Variants in NME7 observed in about 807,000 individuals in gnomAD.
NME7 encodes the protein NME/NM23 family member 7.
Under a neutral mutation model 49.1 loss-of-function variants are expected in NME7, and 41 were observed. That is an observed-to-expected ratio of 0.83 (90% CI 0.65 to 1.08). The LOEUF is 1.08. Among genes scored for constraint, NME7 ranks in the 50% least tolerant of loss-of-function variants. The probability of loss-of-function intolerance (pLI) is 0.00; values close to 1 mark genes in which losing one functional copy is unlikely to be tolerated. For synonymous variants in NME7, 139 were observed against 150.6 expected (o/e 0.92, Z 0.56); for missense variants, 423 against 463.4 (o/e 0.91, Z 0.80).
intron 10 of NME7, among the ~76,000 whole-genome samples, chr1:169,177,966 A>C (rs1414622083): frequency 3.9e-5 from 6 of 152,058 alleles, no homozygotes; most frequent in African/African-American, 1.5e-4. Context: ...CCTCCTGAGC[A>C]GCTAGGACTA....
intron 10 of NME7, among the ~76,000 whole-genome samples, chr1:169,173,516 GCT>G (rs1211176819): frequency 6.6e-6 from 1 of 151,936 alleles, no homozygotes; most frequent in African/African-American, 2.4e-5. Context: ...CTTCATATCT[GCT>G]CTTAAAATCT....
At chr1:169,139,916 A>G (rs925097426) in intron 11 of NME7, among the ~76,000 whole-genome samples, 2 of 152,148 alleles carry the variant, frequency 1.3e-5, no homozygotes, top group Admixed American at 6.5e-5. Flanking sequence ...ACCAGAAACT[A>G]TTTTTCTTCT....
At chr1:169,367,422 T>A (rs1308751475) in intron 1 of NME7, among the ~76,000 whole-genome samples, 1 of 152,172 alleles carries the variant, frequency 6.6e-6, no homozygotes, top group African/African-American at 2.4e-5. Context: ...TGATGAACAA[T>A]GCAAACACAT....
chr1:169,298,666 T>G lies in NME7; in HGVS notation c.538A>C (p.Asn180His), dbSNP rs760966934. The change falls in exon 6 of 12, where the codon AAC becomes CAC. Residue 180 changes from asparagine to histidine, a missense_variant. Physicochemically the swap from Asn to His is moderately conservative, Grantham distance 68 (BLOSUM62 1). Transcript: ENST00000367811. Reference sequence around the variant, plus strand: ...GCATCTGTGCGTGCCACTCCAGAGTTTGCAGGTCCCAGCAGTCTTTTCCAT... The same window carrying G: ...GCATCTGTGCGTGCCACTCCAGAGTGTGCAGGTCCCAGCAGTCTTTTCCAT... Reference protein sequence around the residue: ...CEWKRLLGPANSGVARTDASE... With the variant: ...CEWKRLLGPAHSGVARTDASE... 6.2e-7 allele frequency: 1 copy of G among 1,613,936 alleles called. No individual in the cohort carries two copies. The highest frequency in any genetic ancestry group is 1.7e-5 in the Admixed American group (1 of 59,954).
intron 2 of NME7, among the ~76,000 whole-genome samples, chr1:169,323,738 A>G (rs917595658): frequency 3.9e-5 from 6 of 152,012 alleles, no homozygotes; most frequent in African/African-American, 7.3e-5. Flanking sequence ...TAGCAATAAC[A>G]GCTTTCAATA....
intron 11 of NME7, 152 bp from the exon 12 acceptor site, chr1:169,132,969 G>A (rs1284055757): frequency 4.1e-5 from 23 of 554,480 alleles, no homozygotes; most frequent in Admixed American, 7.0e-5. Context: ...GCAGAGAATC[G>A]ATGAAGCTCC....
At chr1:169,194,721 C>T (rs1660325428) in intron 10 of NME7, among the ~76,000 whole-genome samples, 1 of 152,190 alleles carries the variant, frequency 6.6e-6, no homozygotes, top group African/African-American at 2.4e-5. Context: ...TGTCTTTTGA[C>T]AATTCTTAGC....
At chr1:169,141,653 T>C (rs1658598972) in intron 11 of NME7, among the ~76,000 whole-genome samples, 1 of 152,202 alleles carries the variant, frequency 6.6e-6, no homozygotes, top group Admixed American at 6.5e-5. Context: ...CTTGGGAAGT[T>C]CCTATTGCTA....
chr1:169,213,955 T>C (rs1011533089), intron 10 of NME7, among the ~76,000 whole-genome samples: 1 of 152,110 alleles, frequency 6.6e-6, no homozygotes, highest in Non-Finnish European at 1.5e-5. Context: ...GTAATACATA[T>C]TGATTGGTGG....
rs1188461830 is a variant in NME7 at position 169,272,209 on chromosome 1, A to C, written c.754+15094T>G. The stretch of plus-strand genomic sequence containing the variant: ...TATAAACAGAAAAATAATATATTAA[A>C]ATTATTAATAGTTATTTTGATATCA... On this transcript the variant is annotated intron_variant, in intron 7 of 11. Transcript: ENST00000367811. Among the ~76,000 whole-genome samples the C allele has an allele frequency of 6.8e-5, 9 of 133,146 alleles. 2 individuals are homozygous for C. In the East Asian group the frequency reaches 1.8e-3, roughly 26 times the overall value. The allele number at this position is 133,146 out of a possible 152,430, so 87.3% of individuals were successfully genotyped here.
intron 1 of NME7, among the ~76,000 whole-genome samples, chr1:169,335,869 G>C (rs1237840346): frequency 1.3e-5 from 2 of 151,358 alleles, no homozygotes; most frequent in Non-Finnish European, 2.9e-5. Flanking sequence ...CTTCCAGTAA[G>C]GGTGAGTGAA....
At chr1:169,147,841 G>T (rs1316535440) in intron 11 of NME7, among the ~76,000 whole-genome samples, 1 of 152,124 alleles carries the variant, frequency 6.6e-6, no homozygotes, top group Non-Finnish European at 1.5e-5. Flanking sequence ...TTGTCTTATT[G>T]CTATCTTTGT....
rs201004112 is a variant in NME7 at position 169,324,283 on chromosome 1, T to TAC, written c.111+108_111+109dup. ...TAAAAAGAATTTCCATATGTATATA[T>TAC]ACACACACACATACATATAAATGTG... On this transcript the variant is annotated intron_variant, in intron 2 of 11. Transcript: ENST00000367811. 7.0e-3 allele frequency: 4,343 copies of TAC among 616,962 alleles called. 145 individuals carry two copies. In the African/African-American group the frequency reaches 0.072, roughly 10 times the overall value. The allele number at this position is 616,962 out of a possible 1,614,324, so 38.2% of individuals were successfully genotyped here. A position where few individuals can be genotyped will look rare whatever the true frequency, so the allele number is the denominator to read the frequency against.
intron 2 of NME7, 85 bp downstream of exon 2, chr1:169,324,308 G>A (rs933494457): frequency 3.4e-5 from 26 of 765,856 alleles, no homozygotes; most frequent in Non-Finnish European, 5.4e-5. Context: ...ATATAAATGT[G>A]TTTTTAAAAA....
chr1:169,283,155 G>A (rs1650102617), intron 7 of NME7, among the ~76,000 whole-genome samples: 1 of 152,068 alleles, frequency 6.6e-6, no homozygotes, highest in Non-Finnish European at 1.5e-5. Flanking sequence ...ACATATTTAG[G>A]ATAGTCAGTA....
At position 169,270,504 on chromosome 1, in the gene NME7, AT is replaced by A. The variant is rs912248123; in HGVS notation, c.754+16798del. On this transcript the variant is annotated intron_variant, in intron 7 of 11. Transcript: ENST00000367811. ...ACTTTATTCCTTTAACAATGACTAC[AT>A]TTTTCTCCCTGTAGATGATGAATGT... Among the ~76,000 whole-genome samples, 35 of 133,772 alleles carry A rather than the reference AT, an allele frequency of 2.6e-4. 4 individuals carry two copies. The highest frequency in any genetic ancestry group is 8.1e-4 in the African/African-American group (32 of 39,720). 87.8% of individuals were successfully genotyped at this position (133,772 alleles called of 152,430 possible).
intron 1 of NME7, among the ~76,000 whole-genome samples, chr1:169,338,334 T>A (rs1652557657): frequency 6.6e-6 from 1 of 152,176 alleles, no homozygotes; most frequent in Admixed American, 6.5e-5. Flanking sequence ...CAGAAAAAAG[T>A]CAGTGATGCA....
At chr1:169,356,039 T>C (rs1348367446) in intron 1 of NME7, among the ~76,000 whole-genome samples, 1 of 152,194 alleles carries the variant, frequency 6.6e-6, no homozygotes, top group Non-Finnish European at 1.5e-5. Flanking sequence ...GTTTGTCCAC[T>C]CCTGGTCTCT....
At chr1:169,135,014 CAAAAAAAAA>C (rs58463903) in intron 11 of NME7, among the ~76,000 whole-genome samples, 9,693 of 50,304 alleles carry the variant, frequency 0.19, 526 homozygotes, top group Admixed American at 0.37. Context: ...CCCGTCTCTA[CAAAAAAAAA>C]AAAAAAAAAA....
Sources: allele counts gnomAD v4.1 joint callset (sites outside exome capture counted in the v4.1 genomes callset), GRCh38; gene constraint gnomAD v4.1.1; transcripts MANE v1.5; gene names NCBI Gene and HGNC (gene_info 2026-07-23, HGNC 2026-07-21).